KCNU1: variants seen among roughly 807,000 people sequenced by gnomAD.
The protein encoded by KCNU1 is potassium calcium-activated channel subfamily U member 1.
KCNU1 carries 93 observed loss-of-function variants against 126.8 expected under a neutral mutation model. The observed-to-expected ratio is 0.73, with a 90% confidence interval of 0.62 to 0.87. KCNU1 has a LOEUF of 0.87. Ranked by LOEUF, KCNU1 falls within the 40% of genes least tolerant of loss-of-function variation. KCNU1 has a pLI of 0.00. For missense variants in KCNU1, 1,330 were observed against 1,367.1 expected (o/e 0.97, Z 0.43); for synonymous variants, 523 against 494.2 (o/e 1.06, Z -0.77).
chr8:36,809,867 C>A (rs1803645796), intron 7 of KCNU1, among the ~76,000 whole-genome samples: 1 of 152,080 alleles, frequency 6.6e-6, no homozygotes, highest in South Asian at 2.1e-4. Flanking sequence ...TATATTTGAC[C>A]TAATTATGTT....
chr8:36,815,806 A>C, intron 9 of KCNU1, 119 bp downstream of exon 9: 1 of 615,574 alleles, frequency 1.6e-6, no homozygotes, highest in Non-Finnish European at 2.9e-6. Context: ...TATCAGCAAC[A>C]TCCCGTATTC....
chr8:36,891,846 T>C (rs1404301401), intron 19 of KCNU1, among the ~76,000 whole-genome samples: 1 of 152,110 alleles, frequency 6.6e-6, no homozygotes, highest in Non-Finnish European at 1.5e-5. Context: ...TAAGGATCCC[T>C]TGTAGATGCT....
chr8:36,791,100 GT>G (rs1802886684), intron 2 of KCNU1, among the ~76,000 whole-genome samples: 1 of 151,922 alleles, frequency 6.6e-6, no homozygotes, highest in South Asian at 2.1e-4. Flanking sequence ...AAAAAAGCAT[GT>G]CCTCTAGAGG....
intron 18 of KCNU1, among the ~76,000 whole-genome samples, chr8:36,853,972 A>T (rs1805442065): frequency 6.6e-6 from 1 of 152,184 alleles, no homozygotes; most frequent in Non-Finnish European, 1.5e-5. Flanking sequence ...TTATTTTTGG[A>T]GGATAGTTTT....
At chr8:36,856,982 T>C (rs887534299) in intron 18 of KCNU1, among the ~76,000 whole-genome samples, 1 of 152,226 alleles carries the variant, frequency 6.6e-6, no homozygotes, top group Non-Finnish European at 1.5e-5. Flanking sequence ...TAAAATCAAT[T>C]CCTTTGGGCG....
chr8:36,820,145 G>A (rs762801308), intron 10 of KCNU1, among the ~76,000 whole-genome samples: 4 of 152,176 alleles, frequency 2.6e-5, no homozygotes, highest in African/African-American at 4.8e-5. Flanking sequence ...ATGTACCTAC[G>A]TGGATGCCCC....
intron 1 of KCNU1, among the ~76,000 whole-genome samples, chr8:36,785,901 G>C (rs985117213): frequency 1.3e-5 from 2 of 151,974 alleles, no homozygotes; most frequent in African/African-American, 2.4e-5. Context: ...TCTACACTTC[G>C]ATCCAGGTAT....
Position 36,808,010 on chromosome 8 carries a change from C to G in KCNU1, c.656+560C>G, listed in dbSNP as rs1015025768. 2.0e-5 allele frequency among the ~76,000 whole-genome samples: 3 copies of G among 152,110 alleles called. No individual in the cohort carries two copies. The East Asian group carries it at 5.8e-4, about 29-fold the overall frequency. On this transcript the variant is annotated intron_variant, in intron 6 of 26. Coordinates refer to ENST00000399881, the MANE Select transcript of KCNU1 (RefSeq NM_001031836.3). ...AATTTTGAGCAGTTTGGTCTGTTAC[C>G]CAGTCAAAATCTCCATGCCTTGACA...
chr8:36,859,614 G>A (rs549275848), intron 18 of KCNU1, among the ~76,000 whole-genome samples: 46 of 152,184 alleles, frequency 3.0e-4, no homozygotes, highest in African/African-American at 1.1e-3. Flanking sequence ...CTATAATTCT[G>A]AATCCCTCTT....
At chr8:36,812,570 A>G (rs1018348255) in intron 7 of KCNU1, among the ~76,000 whole-genome samples, 2 of 152,160 alleles carry the variant, frequency 1.3e-5, no homozygotes, top group African/African-American at 4.8e-5. Flanking sequence ...TTCTTAGTGT[A>G]TCTTATCTAA....
chr8:36,794,116 TG>T (rs1803007420), intron 2 of KCNU1, among the ~76,000 whole-genome samples: 1 of 151,830 alleles, frequency 6.6e-6, no homozygotes, highest in African/African-American at 2.4e-5. Flanking sequence ...TAGTCACCTT[TG>T]TTTTAAATGA....
At chr8:36,877,884 C>A (rs901184359) in intron 19 of KCNU1, among the ~76,000 whole-genome samples, 1 of 152,144 alleles carries the variant, frequency 6.6e-6, no homozygotes, top group Non-Finnish European at 1.5e-5. Context: ...GAACTATATT[C>A]TACCCTCTCA....
intron 19 of KCNU1, 75 bp downstream of exon 19, chr8:36,864,596 C>A (rs1200214970): frequency 1.1e-6 from 1 of 870,676 alleles, no homozygotes. Context: ...GTATTTAAAC[C>A]AGAATATTTG....
In KCNU1 at chr8:36,819,001, G is replaced by A. The variant is rs1369102144; in HGVS notation, c.1106+1241G>A. Among the ~76,000 whole-genome samples the A allele has an allele frequency of 3.3e-5, 5 of 152,224 alleles. No individual in the cohort carries two copies. In the East Asian group the frequency reaches 9.6e-4, roughly 29 times the overall value. On this transcript the variant is annotated intron_variant, in intron 10 of 26. Transcript: ENST00000399881. The stretch of plus-strand genomic sequence containing the variant: ...TATTATAATCCAATTGAGACAGAGA[G>A]GAAATCAATAGATGTGTGACGTGTT...
At chr8:36,870,248 G>A (rs1375696712) in intron 19 of KCNU1, among the ~76,000 whole-genome samples, 2 of 152,324 alleles carry the variant, frequency 1.3e-5, no homozygotes, top group East Asian at 1.9e-4. Context: ...CCATAAAGAT[G>A]TAAGAGGTTC....
chr8:36,797,141 GA>G (rs1803130388), intron 2 of KCNU1, among the ~76,000 whole-genome samples: 1 of 152,076 alleles, frequency 6.6e-6, no homozygotes, highest in African/African-American at 2.4e-5. Flanking sequence ...ATGTAATCTT[GA>G]GTGAGTTAAT....
At chr8:36,920,752 G>A (rs1371278730) in intron 23 of KCNU1, among the ~76,000 whole-genome samples, 6 of 152,230 alleles carry the variant, frequency 3.9e-5, no homozygotes, top group Non-Finnish European at 8.8e-5. Flanking sequence ...ATGTGTGTGT[G>A]TGGAGGGCTC....
intron 5 of KCNU1, 106 bp from the exon 6 acceptor site, chr8:36,807,269 G>T: frequency 2.5e-6 from 2 of 804,184 alleles, no homozygotes; most frequent in Middle Eastern, 2.3e-4. Context: ...TTTGGAACAC[G>T]TCTAGAAGAA....
intron 18 of KCNU1, among the ~76,000 whole-genome samples, chr8:36,853,795 G>A (rs913987381): frequency 1.3e-5 from 2 of 152,098 alleles, no homozygotes; most frequent in African/African-American, 2.4e-5. Flanking sequence ...TTAAGTATAG[G>A]TTGGTGTGTG....
Sources: gnomAD v4.1 joint callset for allele counts (sites outside exome capture counted in the v4.1 genomes callset) on GRCh38, gnomAD v4.1.1 for gene constraint, MANE v1.5 for transcripts, NCBI Gene and HGNC (gene_info 2026-07-23, HGNC 2026-07-21) for gene names.